RHCE: variants seen among roughly 807,000 people sequenced by gnomAD.
The protein encoded by RHCE is Rh blood group CcEe antigens.
RHCE carries 22 observed loss-of-function variants against 43.8 expected under a neutral mutation model. That is an observed-to-expected ratio of 0.50 (90% confidence interval 0.36 to 0.72). RHCE has a LOEUF of 0.72. RHCE is among the 30% of genes least tolerant of loss of function. The pLI is 0.00. For missense variants in RHCE, 385 were observed against 525.4 expected (o/e 0.73, Z 2.61); for synonymous variants, 156 against 210.7 (o/e 0.74, Z 2.25).
intron 3 of RHCE, among the ~76,000 whole-genome samples, chr1:25,394,331 A>G (rs539973322): frequency 1.8e-4 from 28 of 151,934 alleles, no homozygotes; most frequent in South Asian, 4.2e-4. Flanking sequence ...TCTAAACAGC[A>G]TGGGTGGTAA....
intron 7 of RHCE, among the ~76,000 whole-genome samples, chr1:25,384,430 G>C (rs1296467328): frequency 2.0e-5 from 3 of 151,782 alleles, no homozygotes; most frequent in African/African-American, 7.3e-5. Context: ...GTTCTCTACA[G>C]GCATCTGAGT....
intron 1 of RHCE, among the ~76,000 whole-genome samples, chr1:25,417,352 TCAACA>T (rs1219407659): frequency 2.6e-5 from 4 of 152,108 alleles, no homozygotes; most frequent in Non-Finnish European, 5.9e-5. Flanking sequence ...TAAGTTTAAC[TCAACA>T]AACTTTCACA....
intron 2 of RHCE, among the ~76,000 whole-genome samples, chr1:25,406,265 G>T (rs1646916921): frequency 8.2e-6 from 1 of 121,554 alleles, no homozygotes; most frequent in African/African-American, 2.5e-5. Flanking sequence ...GTGTGTGTGT[G>T]TGTGTGTGTG....
At chr1:25,368,652 G>A (rs1025020187) in intron 9 of RHCE, among the ~76,000 whole-genome samples, 19 of 150,448 alleles carry the variant, frequency 1.3e-4, no homozygotes, top group Non-Finnish European at 2.5e-4. Flanking sequence ...AGAGAATTTT[G>A]AGCACTAGTC....
chr1:25,429,881 G>A (rs1187265319), intron 1 of RHCE: 7 of 151,928 alleles, frequency 4.6e-5, no homozygotes, highest in African/African-American at 1.7e-4. Flanking sequence ...GTGTTACTTT[G>A]CCATACGTAC....
intron 2 of RHCE, among the ~76,000 whole-genome samples, chr1:25,406,630 GT>G (rs556085440): frequency 0.12 from 9,384 of 80,516 alleles, 1,565 homozygotes; most frequent in African/African-American, 0.3. Context: ...GTTGTTTTTG[GT>G]TTTTTTTTTT....
At position 25,362,427 on chromosome 1, in the gene RHCE, A is replaced by T. The variant is rs1248588038; in HGVS notation, c.*100T>A. ...ACCTTGTTTCATTATACATAAGGAG[A>T]CTTTGCTGTCATGAGCGTTTCTCAC... is the stretch of plus-strand genomic sequence containing the variant. On this transcript the variant is annotated 3_prime_UTR_variant, in exon 10 of 10. Transcript: ENST00000294413. 2 of 1,613,632 alleles carry T rather than the reference A, an allele frequency of 1.2e-6. No individual in the cohort carries two copies. The highest frequency in any genetic ancestry group is 1.7e-6 in the Non-Finnish European group (2 of 1,179,798).
rs187608522 is a variant in RHCE, at chr1:25,390,382, A to C, written c.801+367T>G. Among the ~76,000 whole-genome samples, 1,152 of 152,182 alleles carry C rather than the reference A, an allele frequency of 7.6e-3. 12 individuals carry two copies. The highest frequency in any genetic ancestry group is 0.026 in the African/African-American group (1,072 of 41,524). On this transcript the variant is annotated intron_variant, in intron 5 of 9. Coordinates refer to ENST00000294413, the MANE Select transcript of RHCE (RefSeq NM_020485.8). ...CTGATTCTGATGGTTCCATTCTTGA[A>C]ATTTGTTGGGGGGAAGAGAGAGGCT...
intron 1 of RHCE, among the ~76,000 whole-genome samples, chr1:25,419,591 C>A (rs2042709357): frequency 6.6e-6 from 1 of 152,124 alleles, no homozygotes; most frequent in African/African-American, 2.4e-5. Context: ...TATCAACAAC[C>A]TATCAGCCCA....
intron 8 of RHCE, among the ~76,000 whole-genome samples, chr1:25,374,325 T>C (rs2124328815): frequency 6.6e-6 from 1 of 152,098 alleles, no homozygotes; most frequent in Non-Finnish European, 1.5e-5. Flanking sequence ...TGACCTCAGA[T>C]GATCTGCCCA....
chr1:25,392,050 T>C lies in RHCE; in HGVS notation c.578A>G (p.Lys193Arg), dbSNP rs771385162. 7 of 1,614,062 alleles carry C rather than the reference T, an allele frequency of 4.3e-6. No homozygotes were observed. The Admixed American group carries it at 1.0e-4, about 23-fold the overall frequency. ...VAWCLPKPLPKGTEDNDQRAT... is the reference protein window; with the variant it reads ...VAWCLPKPLPRGTEDNDQRAT... The stretch of plus-strand genomic sequence containing the variant: ...TCTCTGATCATTATCCTCCGTTCCC[T>C]TGGGTAGAGGCTTTGGCAGGCACCA... The change falls in exon 4 of 10, where the codon AAG becomes AGG. Residue 193 changes from lysine to arginine, a missense_variant. By Grantham distance (26) the Lys-to-Arg change is conservative. This residue lies in a region of RHCE where 110 missense variants were observed against 103.4 expected (regional missense o/e 1.06). Transcript: ENST00000294413.
chr1:25,402,781 A>C, intron 2 of RHCE, 35 bp from the exon 3 acceptor site: 2 of 1,612,512 alleles, frequency 1.2e-6, no homozygotes, highest in Non-Finnish European at 1.7e-6. Context: ...ATGACTGAGA[A>C]GGAAGGATGC....
At position 25,408,730 on chromosome 1, in the gene RHCE, G is replaced by A. The variant is rs770448311; in HGVS notation, c.288C>T (p.Gly96=). The A allele has an allele frequency of 9.4e-6, 12 of 1,282,418 alleles. 2 individuals are homozygous for A. The highest frequency in any genetic ancestry group is 1.2e-5 in the Non-Finnish European group (12 of 962,634). 79.4% of individuals were successfully genotyped at this position (1,282,418 alleles called of 1,614,324 possible). The stretch of plus-strand genomic sequence containing the variant: ...TCCCAGGAGGGAACTGGCTCAGGAA[G>A]CCGTCCAGCAGGATTGCCCACTGCA... ...LGVQWAILLD[G]FLSQFPPGKV... Residue 96 remains glycine (G), a synonymous_variant, in exon 2 of 10, where the codon GGC becomes GGT. Transcript: ENST00000294413.
chr1:25,422,584 A>G (rs618522), upstream of RHCE, among the ~76,000 whole-genome samples: 43 of 152,322 alleles, frequency 2.8e-4, no homozygotes, highest in South Asian at 7.9e-3. Context: ...ACAAATGAGT[A>G]AACTGAGGCA....
chr1:25,429,344 G>A (rs888768410), intron 1 of RHCE, among the ~76,000 whole-genome samples: 7 of 150,814 alleles, frequency 4.6e-5, no homozygotes, highest in Admixed American at 6.6e-5. Flanking sequence ...AGTAGAGATG[G>A]GGTTTCACCA....
chr1:25,368,886 G>A lies in RHCE; in HGVS notation c.1227+1581C>T, dbSNP rs571078859. ...AGTGATTCTCCTGCCTCAGCCTCCC[G>A]AGTAGCCGGGATTACAGGCAGCTGC... On this transcript the variant is annotated intron_variant, in intron 9 of 9. Transcript: ENST00000294413. Among the ~76,000 whole-genome samples the A allele has an allele frequency of 8.6e-4, 130 of 151,800 alleles. 5 individuals carry two copies. The highest frequency in any genetic ancestry group is 3.0e-3 in the African/African-American group (125 of 41,154).
intron 3 of RHCE, 60 bp downstream of exon 3, chr1:25,402,536 C>A: frequency 6.2e-7 from 1 of 1,613,674 alleles, no homozygotes; most frequent in Non-Finnish European, 8.5e-7. Context: ...CCGGAAGCCC[C>A]ACCAAATGGA....
Position 25,396,749 on chromosome 1 carries a change from C to A in RHCE, c.487-4608G>T, listed in dbSNP as rs616780. On this transcript the variant is annotated intron_variant, in intron 3 of 9. Coordinates refer to ENST00000294413, the MANE Select transcript of RHCE (RefSeq NM_020485.8). ...TGATCCCATCACCTCCCACAAGGTC[C>A]TGCCCTCAACACGTGGAGATTACAA... 4.1e-3 allele frequency among the ~76,000 whole-genome samples: 619 copies of A among 151,956 alleles called. 4 individuals are homozygous for A. The highest frequency in any genetic ancestry group is 0.014 in the African/African-American group (562 of 41,230).
chr1:25,410,702 G>A (rs1647046398), intron 1 of RHCE, among the ~76,000 whole-genome samples: 1 of 152,102 alleles, frequency 6.6e-6, no homozygotes, highest in African/African-American at 2.4e-5. Context: ...GCCCAGCCTA[G>A]ACAATGTTTT....
Sources: allele counts gnomAD v4.1 joint callset (sites outside exome capture counted in the v4.1 genomes callset), GRCh38; gene constraint gnomAD v4.1.1; regional missense constraint gnomAD v4.1.1; transcripts MANE v1.5; gene names NCBI Gene and HGNC (gene_info 2026-07-23, HGNC 2026-07-21).